The following TMEM192 variants were observed in gnomAD, a reference collection of about 807,000 sequenced individuals.
The protein encoded by TMEM192 is transmembrane protein 192.
A neutral mutation model predicts 26.7 loss-of-function variants in TMEM192; 20 were observed. The ratio of observed to expected loss-of-function variants is 0.75; its 90% CI spans 0.53 to 1.09. TMEM192 has a LOEUF of 1.09. TMEM192 is among the 50% of genes least tolerant of loss of function. TMEM192 has a pLI of 0.00. For missense variants in TMEM192, 304 were observed against 322.6 expected (o/e 0.94, Z 0.44); for synonymous variants, 124 against 121.0 (o/e 1.02, Z -0.16).
At position 165,071,844 on chromosome 4, in the gene TMEM192, A is replaced by G. The variant is rs750853974; in HGVS notation, c.*7814T>C. The G allele has an allele frequency of 6.6e-6, 1 of 152,344 alleles. No homozygotes were observed. The highest frequency in any genetic ancestry group is 1.5e-5 in the Non-Finnish European group (1 of 68,164). 9.4% of individuals were successfully genotyped at this position (152,344 alleles called of 1,614,324 possible). A position where few individuals can be genotyped will look rare whatever the true frequency, so the allele number is the denominator to read the frequency against. Reference sequence around the variant, plus strand: ...CTTTTACTGAATGAAAAAGGGAACCATCAGAGTAGTGTTTTAGAAGGATAT... The same window carrying G: ...CTTTTACTGAATGAAAAAGGGAACCGTCAGAGTAGTGTTTTAGAAGGATAT... On this transcript the variant is annotated 3_prime_UTR_variant, in exon 6 of 6. Transcript: ENST00000306480.
intron 3 of TMEM192, among the ~76,000 whole-genome samples, chr4:165,096,130 G>A (rs377689711): frequency 7.3e-5 from 11 of 151,710 alleles, no homozygotes; most frequent in African/African-American, 2.2e-4. Flanking sequence ...TTATTAGGCC[G>A]GGCGCAGTGG....
At position 165,083,395 on chromosome 4, in the gene TMEM192, G is replaced by C. The variant is rs1192992249; in HGVS notation, c.677+2191C>G. On this transcript the variant is annotated intron_variant, in intron 5 of 5. Coordinates refer to ENST00000306480, the MANE Select transcript of TMEM192 (RefSeq NM_001100389.2). ...CACTAAAGACACCTCCGTTTTCATA[G>C]TTCTGTACGTATTGAGAATTATAGA... Among the ~76,000 whole-genome samples, 15 of 40,156 alleles carry C rather than the reference G, an allele frequency of 3.7e-4. 4 individuals are homozygous for C. Among genetic ancestry groups the C allele is most frequent in the Admixed American group, 6.5e-4 (2 of 3,062 alleles). 26.3% of individuals were successfully genotyped at this position (40,156 alleles called of 152,430 possible). A position where few individuals can be genotyped will look rare whatever the true frequency, so the allele number is the denominator to read the frequency against.
chr4:165,092,235 C>A (rs534536942), intron 3 of TMEM192, among the ~76,000 whole-genome samples: 23 of 148,598 alleles, frequency 1.5e-4, no homozygotes, highest in Non-Finnish European at 3.1e-4. Flanking sequence ...GATTATCCTG[C>A]CTCAGCCTCC....
intron 1 of TMEM192, among the ~76,000 whole-genome samples, chr4:165,107,802 T>G (rs553474761): frequency 3.1e-4 from 47 of 152,336 alleles, no homozygotes; most frequent in Admixed American, 7.9e-4. Flanking sequence ...GGTGCCTTTT[T>G]AGCATTCCCA....
intron 1 of TMEM192, among the ~76,000 whole-genome samples, chr4:165,108,155 C>T (rs1283331135): frequency 1.9e-5 from 2 of 108,052 alleles, no homozygotes; most frequent in Non-Finnish European, 3.4e-5. Flanking sequence ...TGTAGTCTTG[C>T]TCTGTCACCC....
At chr4:165,107,811 C>T (rs1186509776) in intron 1 of TMEM192, among the ~76,000 whole-genome samples, 1 of 152,216 alleles carries the variant, frequency 6.6e-6, no homozygotes, top group Non-Finnish European at 1.5e-5. Context: ...TTAGCATTCC[C>T]AGCCCCAGCA....
At chr4:165,092,822 T>C (rs1488671133) in intron 3 of TMEM192, among the ~76,000 whole-genome samples, 1 of 151,848 alleles carries the variant, frequency 6.6e-6, no homozygotes, top group Admixed American at 6.6e-5. Context: ...CACTGAGCTA[T>C]GACAGCACAA....
intron 4 of TMEM192, among the ~76,000 whole-genome samples, chr4:165,087,115 A>G (rs534721028): frequency 6.7e-6 from 1 of 150,112 alleles, no homozygotes; most frequent in Middle Eastern, 3.4e-3. Flanking sequence ...ACTCCAACTC[A>G]AAAAAAAAAT....
intron 2 of TMEM192, 88 bp from the exon 3 acceptor site, chr4:165,100,980 T>TC: frequency 7.4e-7 from 1 of 1,349,388 alleles, no homozygotes; most frequent in Non-Finnish European, 9.7e-7. Context: ...TCTTTTTTTT[T>TC]TTTTTTTTTT....
In TMEM192 at chr4:165,072,955, G is replaced by A. The variant is rs913116645; in HGVS notation, c.*6703C>T. On this transcript the variant is annotated 3_prime_UTR_variant, in exon 6 of 6. Transcript: ENST00000306480. ...TCATGAGATTGTGTGAGACCACCAA[G>A]AGAGTGAACGCTGATGGAGAAGCCA... The A allele has an allele frequency of 6.6e-6, 1 of 152,142 alleles. No homozygotes were observed. The highest frequency in any genetic ancestry group is 1.5e-5 in the Non-Finnish European group (1 of 68,040). The allele number at this position is 152,142 out of a possible 1,614,324, so 9.4% of individuals were successfully genotyped here.
intron 1 of TMEM192, among the ~76,000 whole-genome samples, chr4:165,108,564 C>T (rs1735222314): frequency 6.6e-6 from 1 of 152,170 alleles, no homozygotes; most frequent in African/African-American, 2.4e-5. Context: ...TTTCTGAGTA[C>T]TCTACCTACA....
chr4:165,092,446 T>G (rs1734790245), intron 3 of TMEM192, among the ~76,000 whole-genome samples: 1 of 152,120 alleles, frequency 6.6e-6, no homozygotes, highest in South Asian at 2.1e-4. Context: ...AGGGAGTGAG[T>G]TAGTATGTAA....
intron 3 of TMEM192, among the ~76,000 whole-genome samples, chr4:165,094,974 C>CAA (rs11289599): frequency 8.0e-5 from 11 of 137,544 alleles, no homozygotes; most frequent in African/African-American, 3.1e-4. Context: ...AACTCAGTCT[C>CAA]AAAAAAAAAA....
intron 3 of TMEM192, among the ~76,000 whole-genome samples, chr4:165,095,103 T>C (rs984882372): frequency 2.0e-5 from 3 of 152,068 alleles, no homozygotes; most frequent in African/African-American, 7.2e-5. Flanking sequence ...TGGGCTCCAG[T>C]GTAGGATCTG....
intron 3 of TMEM192, among the ~76,000 whole-genome samples, chr4:165,095,587 C>T (rs558420504): frequency 6.6e-6 from 1 of 152,302 alleles, no homozygotes; most frequent in African/African-American, 2.4e-5. Flanking sequence ...CCTTCAAGAG[C>T]AGTTTCCTTG....
chr4:165,078,259 A>G lies in TMEM192; in HGVS notation c.*1399T>C, dbSNP rs1221448214. On this transcript the variant is annotated 3_prime_UTR_variant, in exon 6 of 6. Coordinates refer to ENST00000306480, the MANE Select transcript of TMEM192 (RefSeq NM_001100389.2). ...TATTGAATATTCAGCTAATGATCAA[A>G]AAAGATTAACACAGTCATAAATATC... 1 of 152,184 alleles carries G rather than the reference A, an allele frequency of 6.6e-6. No homozygotes were observed. Among genetic ancestry groups the G allele is most frequent in the Non-Finnish European group, 1.5e-5 (1 of 68,034 alleles). The allele number at this position is 152,184 out of a possible 1,614,324, so 9.4% of individuals were successfully genotyped here. A position where few individuals can be genotyped will look rare whatever the true frequency, so the allele number is the denominator to read the frequency against.
intron 3 of TMEM192, among the ~76,000 whole-genome samples, chr4:165,091,610 CTATT>C (rs1734766080): frequency 6.6e-6 from 1 of 152,034 alleles, no homozygotes; most frequent in East Asian, 1.9e-4. Context: ...ACACACAAAA[CTATT>C]TATTCTTAGC....
chr4:165,097,319 C>A (rs943233043), intron 3 of TMEM192, among the ~76,000 whole-genome samples: 2 of 151,818 alleles, frequency 1.3e-5, no homozygotes, highest in African/African-American at 2.4e-5. Context: ...ACGGTGAAAC[C>A]CCGTCTCTAC....
intron 4 of TMEM192, among the ~76,000 whole-genome samples, chr4:165,087,391 T>C (rs988005801): frequency 3.9e-5 from 6 of 152,154 alleles, no homozygotes; most frequent in African/African-American, 1.4e-4. Context: ...ACAGGTAGAC[T>C]GAATAAGACT....
Sources: gnomAD v4.1 joint callset for allele counts (sites outside exome capture counted in the v4.1 genomes callset) on GRCh38, gnomAD v4.1.1 for gene constraint, MANE v1.5 for transcripts, NCBI Gene and HGNC (gene_info 2026-07-23, HGNC 2026-07-21) for gene names.